The following NLK variants were observed in gnomAD, a reference collection of about 807,000 sequenced individuals.
The protein encoded by NLK is serine/threonine-protein kinase NLK.
Under a neutral mutation model 59.0 loss-of-function variants are expected in NLK, and 11 were observed. That is an observed-to-expected ratio of 0.19 (90% CI 0.12 to 0.31). The LOEUF (loss-of-function observed/expected upper bound fraction) is 0.31, where lower values mean the gene tolerates loss of function less well. NLK is among the 10% of genes least tolerant of loss of function. The probability of loss-of-function intolerance (pLI) is 1.00; values close to 1 mark genes in which losing one functional copy is unlikely to be tolerated. For missense variants in NLK, 410 were observed against 661.1 expected (o/e 0.62, Z 4.16); for synonymous variants, 235 against 235.9 (o/e 1.00, Z 0.03).
chr17:28,095,135 T>C (rs536967237), intron 1 of NLK, among the ~76,000 whole-genome samples: 21 of 152,316 alleles, frequency 1.4e-4, no homozygotes, highest in African/African-American at 4.8e-4. Flanking sequence ...CTGTGAGTGC[T>C]AGAAAAGGAT....
At chr17:28,079,907 C>G (rs558157972) in intron 1 of NLK, among the ~76,000 whole-genome samples, 1 of 152,252 alleles carries the variant, frequency 6.6e-6, no homozygotes, top group African/African-American at 2.4e-5. Context: ...TATCATGAAG[C>G]TTTTCCCCAA....
chr17:28,147,187 TG>T (rs1385096563), intron 3 of NLK, among the ~76,000 whole-genome samples: 2 of 152,160 alleles, frequency 1.3e-5, no homozygotes, highest in African/African-American at 2.4e-5. Context: ...ACCCAGTCAG[TG>T]TTTATTGATG....
At chr17:28,146,201 A>C (rs1313398144) in intron 3 of NLK, among the ~76,000 whole-genome samples, 1 of 151,494 alleles carries the variant, frequency 6.6e-6, no homozygotes, top group Non-Finnish European at 1.5e-5. Flanking sequence ...GACCTTCAAA[A>C]AGTTACTTGA....
At chr17:28,137,603 A>G (rs545418476) in intron 3 of NLK, among the ~76,000 whole-genome samples, 1 of 152,152 alleles carries the variant, frequency 6.6e-6, no homozygotes, top group Admixed American at 6.5e-5. Context: ...ATGTAATCAG[A>G]TGTAAAGTAA....
intron 1 of NLK, among the ~76,000 whole-genome samples, chr17:28,115,055 G>T (rs1260621745): frequency 6.6e-6 from 1 of 152,198 alleles, no homozygotes; most frequent in Non-Finnish European, 1.5e-5. Flanking sequence ...TGGCTCACTT[G>T]TGCTGGTATC....
At chr17:28,201,284 T>C (rs1909622075), downstream of NLK, among the ~76,000 whole-genome samples, 1 of 152,108 alleles carries the variant, frequency 6.6e-6, no homozygotes, top group African/African-American at 2.4e-5. Flanking sequence ...GATTTTGCCA[T>C]GTTGCCCAGG....
intron 2 of NLK, among the ~76,000 whole-genome samples, chr17:28,125,714 T>G (rs1056956307): frequency 2.6e-5 from 4 of 152,204 alleles, no homozygotes; most frequent in Non-Finnish European, 5.9e-5. Context: ...GCAACTGGTA[T>G]TTGATCTAGT....
At chr17:28,173,464 C>T (rs1325464012) in intron 7 of NLK, among the ~76,000 whole-genome samples, 1 of 152,104 alleles carries the variant, frequency 6.6e-6, no homozygotes, top group African/African-American at 2.4e-5. Context: ...AAGGGAAGAC[C>T]TCACCTTCCC....
chr17:28,119,510 G>A (rs1164931858), intron 1 of NLK, among the ~76,000 whole-genome samples: 1 of 152,148 alleles, frequency 6.6e-6, no homozygotes, highest in Non-Finnish European at 1.5e-5. Flanking sequence ...TTAGGAAGAA[G>A]TATTGTATGA....
At chr17:28,131,586 TAAAAAAAAA>T (rs35804817) in intron 2 of NLK, among the ~76,000 whole-genome samples, 19 of 83,716 alleles carry the variant, frequency 2.3e-4, no homozygotes, top group African/African-American at 4.7e-4. Context: ...TTCTCTGTAG[TAAAAAAAAA>T]AAAAAAAAAA....
chr17:28,155,799 T>G (rs1907682601), intron 3 of NLK, among the ~76,000 whole-genome samples: 1 of 149,068 alleles, frequency 6.7e-6, no homozygotes. Context: ...GGGCTGGGGG[T>G]GGGATAGCAT....
chr17:28,125,443 CTG>C (rs1268454673), intron 2 of NLK, among the ~76,000 whole-genome samples: 14 of 152,198 alleles, frequency 9.2e-5, no homozygotes, highest in African/African-American at 2.9e-4. Context: ...GCAGAAATAA[CTG>C]TGTATGATTG....
chr17:28,053,506 G>A (rs1175591984), intron 1 of NLK, among the ~76,000 whole-genome samples: 2 of 152,010 alleles, frequency 1.3e-5, no homozygotes, highest in Non-Finnish European at 2.9e-5. Flanking sequence ...TATCCTCTCC[G>A]TATTGTGGTT....
intron 3 of NLK, among the ~76,000 whole-genome samples, chr17:28,156,272 G>A (rs1429806177): frequency 6.6e-6 from 1 of 152,058 alleles, no homozygotes; most frequent in Non-Finnish European, 1.5e-5. Context: ...TGAGGGGAAG[G>A]GAAAGGAGGG....
chr17:28,051,349 T>A (rs561164842), intron 1 of NLK, among the ~76,000 whole-genome samples: 1 of 152,096 alleles, frequency 6.6e-6, no homozygotes, highest in East Asian at 1.9e-4. Context: ...CAAGGTGCCA[T>A]TTCCTTGGGA....
At chr17:28,175,029 G>T (rs1335332014) in intron 7 of NLK, among the ~76,000 whole-genome samples, 2 of 150,212 alleles carry the variant, frequency 1.3e-5, no homozygotes, top group African/African-American at 2.5e-5. Flanking sequence ...TTTGGTCTTT[G>T]GAATATACAA....
chr17:28,068,950 A>G (rs1909922156), intron 1 of NLK, among the ~76,000 whole-genome samples: 1 of 152,206 alleles, frequency 6.6e-6, no homozygotes, highest in Non-Finnish European at 1.5e-5. Context: ...ATGTGCTGGA[A>G]TTACAGGTGT....
At chr17:28,201,800 G>A in the NLK span, among the ~76,000 whole-genome samples, 1 of 152,140 alleles carries the variant, frequency 6.6e-6, no homozygotes, top group Non-Finnish European at 1.5e-5. Flanking sequence ...CAGATCACCT[G>A]AGATCAGGAG....
chr17:28,051,021 A>G (rs1420349437), intron 1 of NLK, among the ~76,000 whole-genome samples: 1 of 151,196 alleles, frequency 6.6e-6, no homozygotes, highest in African/African-American at 2.4e-5. Context: ...CTGAGGTTGC[A>G]GTGAGCTGAT....
Sources: gnomAD v4.1 joint callset for allele counts (sites outside exome capture counted in the v4.1 genomes callset) on GRCh38, gnomAD v4.1.1 for gene constraint, MANE v1.5 for transcripts, NCBI Gene and HGNC (gene_info 2026-07-23, HGNC 2026-07-21) for gene names.